MRPS28: variants seen among roughly 807,000 people sequenced by gnomAD.
MRPS28 encodes small ribosomal subunit protein bS1m.
In MRPS28, 7 loss-of-function variants were observed where a neutral mutation model predicts 10.8. The ratio of observed to expected loss-of-function variants is 0.65; its 90% CI spans 0.37 to 1.22. The LOEUF (loss-of-function observed/expected upper bound fraction) is 1.22, where lower values mean the gene tolerates loss of function less well. MRPS28 is among the 50% of genes most tolerant of loss of function. The probability of loss-of-function intolerance (pLI) is 0.02; values close to 1 mark genes in which losing one functional copy is unlikely to be tolerated. For missense variants in MRPS28, 265 were observed against 232.9 expected, an observed-to-expected ratio of 1.14 and a Z score of -0.90; for synonymous variants, 121 against 93.3, an observed-to-expected ratio of 1.30 and a Z score of -1.71.
At chr8:79,939,452 T>C (rs950939179) in intron 2 of MRPS28, among the ~76,000 whole-genome samples, 5 of 152,204 alleles carry the variant, frequency 3.3e-5, no homozygotes, top group Admixed American at 6.5e-5. Context: ...ACAAGCCATA[T>C]TGTGATTAAA....
intron 2 of MRPS28, among the ~76,000 whole-genome samples, chr8:79,921,520 G>A (rs1352944505): frequency 2.0e-5 from 3 of 150,632 alleles, no homozygotes; most frequent in Non-Finnish European, 4.4e-5. Flanking sequence ...CTTGTAAGTT[G>A]GATTCCTAGG....
At chr8:79,949,429 C>T (rs1475858940) in intron 2 of MRPS28, among the ~76,000 whole-genome samples, 1 of 146,034 alleles carries the variant, frequency 6.8e-6, no homozygotes, top group African/African-American at 2.5e-5. Context: ...AAAAAAAAAA[C>T]AACAACAAAA....
At chr8:80,025,927 T>A (rs2130254600) in intron 1 of MRPS28, among the ~76,000 whole-genome samples, 1 of 152,344 alleles carries the variant, frequency 6.6e-6, no homozygotes, top group African/African-American at 2.4e-5. Flanking sequence ...TTTAAATATA[T>A]ATAGCAATAC....
intron 2 of MRPS28, among the ~76,000 whole-genome samples, chr8:79,942,823 T>A (rs972789618): frequency 3.9e-5 from 6 of 151,992 alleles, no homozygotes; most frequent in Non-Finnish European, 7.4e-5. Flanking sequence ...ACAGCTAAGA[T>A]AAGAAAAAAA....
At chr8:79,950,927 T>C (rs758767579) in intron 2 of MRPS28, among the ~76,000 whole-genome samples, 8 of 152,230 alleles carry the variant, frequency 5.3e-5, no homozygotes, top group Non-Finnish European at 1.2e-4. Context: ...CAGATGTTGC[T>C]GATTCCCAAC....
chr8:79,967,284 C>T (rs976312644), intron 2 of MRPS28, among the ~76,000 whole-genome samples: 1 of 152,184 alleles, frequency 6.6e-6, no homozygotes, highest in Non-Finnish European at 1.5e-5. Context: ...CTTCTTCTTT[C>T]TTTGGATCAG....
At chr8:79,953,540 C>T (rs1384280322) in intron 2 of MRPS28, among the ~76,000 whole-genome samples, 1 of 152,104 alleles carries the variant, frequency 6.6e-6, no homozygotes, top group African/African-American at 2.4e-5. Flanking sequence ...TGACTTCTAC[C>T]TCATCCCATA....
intron 2 of MRPS28, among the ~76,000 whole-genome samples, chr8:79,946,058 C>T (rs552457815): frequency 2.0e-4 from 30 of 152,222 alleles, no homozygotes; most frequent in Non-Finnish European, 3.4e-4. Context: ...CCAATTTTTG[C>T]TTATGCAAGG....
At chr8:79,920,858 T>C (rs1225854199) in intron 2 of MRPS28, among the ~76,000 whole-genome samples, 1 of 152,222 alleles carries the variant, frequency 6.6e-6, no homozygotes, top group Non-Finnish European at 1.5e-5. Context: ...CATGAAGTCC[T>C]TGCGCATGCC....
intron 2 of MRPS28, among the ~76,000 whole-genome samples, chr8:80,002,594 A>G (rs1203237568): frequency 2.0e-5 from 3 of 152,188 alleles, no homozygotes; most frequent in Admixed American, 2.0e-4. Context: ...ATTTATTAGG[A>G]AAAATAATCC....
chr8:80,015,840 T>C lies in MRPS28; in HGVS notation c.214-12660A>G, dbSNP rs538549601. Among the ~76,000 whole-genome samples the C allele has an allele frequency of 2.0e-5, 3 of 152,052 alleles. No individual in the cohort carries two copies. The South Asian group carries it at 6.3e-4, about 32-fold the overall frequency. On this transcript the variant is annotated intron_variant, in intron 1 of 2. Transcript: ENST00000276585. ...GCAATGTACGCAGAAAGATGGAAAT[T>C]TTAAATAAGAATCAAAAAGAAATGC...
chr8:79,973,810 C>A (rs1390960888), intron 2 of MRPS28, among the ~76,000 whole-genome samples: 18 of 143,786 alleles, frequency 1.3e-4, no homozygotes, highest in African/African-American at 3.6e-4. Context: ...AAAACGAGTT[C>A]TCACAGAAAA....
chr8:79,972,195 T>C (rs911232841), intron 2 of MRPS28, among the ~76,000 whole-genome samples: 3 of 152,192 alleles, frequency 2.0e-5, no homozygotes, highest in African/African-American at 7.2e-5. Context: ...GAATTTATCT[T>C]ATATTAGGTA....
At chr8:80,025,041 C>A (rs1057427465) in intron 1 of MRPS28, among the ~76,000 whole-genome samples, 1 of 152,152 alleles carries the variant, frequency 6.6e-6, no homozygotes, top group African/African-American at 2.4e-5. Context: ...GTTTAGGGAA[C>A]AGCAAAATTC....
intron 2 of MRPS28, among the ~76,000 whole-genome samples, chr8:79,984,553 AG>A (rs1808092212): frequency 6.6e-6 from 1 of 152,214 alleles, no homozygotes; most frequent in African/African-American, 2.4e-5. Context: ...AGACACACAT[AG>A]GCTCAAAATA....
intron 2 of MRPS28, among the ~76,000 whole-genome samples, chr8:79,972,365 C>T (rs576842269): frequency 2.6e-5 from 4 of 152,174 alleles, no homozygotes; most frequent in East Asian, 3.9e-4. Context: ...ATACCTATAC[C>T]CCATTTTGTT....
chr8:79,982,928 A>T (rs544405049), intron 2 of MRPS28, among the ~76,000 whole-genome samples: 1 of 140,354 alleles, frequency 7.1e-6, no homozygotes, highest in South Asian at 2.4e-4. Flanking sequence ...CTCCCAGCAC[A>T]CAGCTGGAGA....
chr8:79,926,556 C>G (rs1291318397), intron 2 of MRPS28, among the ~76,000 whole-genome samples: 1 of 152,218 alleles, frequency 6.6e-6, no homozygotes, highest in East Asian at 1.9e-4. Context: ...AAAGGACAGT[C>G]ACTTCAAATA....
intron 2 of MRPS28, among the ~76,000 whole-genome samples, chr8:79,923,022 T>A (rs1237388411): frequency 6.6e-6 from 1 of 152,122 alleles, no homozygotes; most frequent in African/African-American, 2.4e-5. Context: ...TATTCAGCTT[T>A]TTTTTGAGAA....
Sources: gnomAD v4.1 joint callset for allele counts (sites outside exome capture counted in the v4.1 genomes callset) on GRCh38, gnomAD v4.1.1 for gene constraint, MANE v1.5 for transcripts, NCBI Gene and HGNC (gene_info 2026-07-23, HGNC 2026-07-21) for gene names.